RBBP6: variants seen among roughly 807,000 people sequenced by gnomAD.
RBBP6 encodes E3 ubiquitin-protein ligase RBBP6.
In RBBP6, 25 loss-of-function variants were observed where a neutral mutation model predicts 167.7. The observed-to-expected ratio is 0.15, with a 90% confidence interval of 0.11 to 0.21. RBBP6 has a LOEUF of 0.21. Ranked by LOEUF, RBBP6 falls within the 10% of genes least tolerant of loss-of-function variation. The pLI is 1.00. For synonymous variants in RBBP6, 789 were observed against 735.8 expected, an observed-to-expected ratio of 1.07 and a Z score of -1.17; for missense variants, 1,868 against 2,134.2, an observed-to-expected ratio of 0.88 and a Z score of 2.46.
intron 3 of RBBP6, 74 bp downstream of exon 3, chr16:24,549,055 A>G (rs999653915): frequency 1.3e-6 from 2 of 1,570,698 alleles, no homozygotes; most frequent in East Asian, 2.3e-5. Flanking sequence ...GAAGTAAATC[A>G]TTTTAGAACT....
At position 24,540,021 on chromosome 16, in the gene RBBP6, C is replaced by T. The variant is rs951590925; in HGVS notation, c.-606C>T. On this transcript the variant is annotated 5_prime_UTR_variant, in exon 1 of 18. Coordinates refer to ENST00000319715, the MANE Select transcript of RBBP6 (RefSeq NM_006910.5). ...GCCTAGGCCGTGGGGCCGCTCGTGG[C>T]CTCCGGGGAGCAGGCGCCAGGGGTT... 2 of 152,436 alleles carry T rather than the reference C, an allele frequency of 1.3e-5. No individual in the cohort carries two copies. Among genetic ancestry groups the T allele is most frequent in the Non-Finnish European group, 2.9e-5 (2 of 68,194 alleles). 9.4% of individuals were successfully genotyped at this position (152,436 alleles called of 1,614,324 possible).
At chr16:24,550,927 A>G (rs1898781408) in intron 3 of RBBP6, among the ~76,000 whole-genome samples, 1 of 151,912 alleles carries the variant, frequency 6.6e-6, no homozygotes, top group Non-Finnish European at 1.5e-5. Context: ...CGTGGATTGT[A>G]CACATTCACA....
Position 24,569,120 on chromosome 16 carries a change from A to G in RBBP6, c.2430A>G (p.Ala810=), listed in dbSNP as rs1346959225. ...REVPPPYDMK[A]YYGRSVDFRD... ...TTCCACCACCATATGACATGAAAGC[A>G]TATTATGGGAGAAGTGTTGACTTTA... Residue 810 remains alanine, a synonymous_variant, in exon 17 of 18, where the codon GCA becomes GCG. Coordinates refer to ENST00000319715, the MANE Select transcript of RBBP6 (RefSeq NM_006910.5). The G allele has an allele frequency of 1.2e-6, 2 of 1,613,014 alleles. No individual in the cohort carries two copies. Among genetic ancestry groups the G allele is most frequent in the African/African-American group, 1.3e-5 (1 of 74,802 alleles).
chr16:24,569,067 C>G lies in RBBP6; in HGVS notation c.2377C>G (p.Arg793Gly). 1 of 1,613,988 alleles carries G rather than the reference C, an allele frequency of 6.2e-7. No individual in the cohort carries two copies. Among genetic ancestry groups the G allele is most frequent in the South Asian group, 1.1e-5 (1 of 91,080 alleles). The change falls in exon 17 of 18, where the codon CGT becomes GGT. Residue 793 changes from arginine to glycine, a missense_variant. Physicochemically the swap from Arg to Gly is moderately radical, Grantham distance 125. Coordinates refer to ENST00000319715, the MANE Select transcript of RBBP6 (RefSeq NM_006910.5). ...TAATGTACCTCAAGGGGAAACAGAACGTGAATATTTTAATAGATACAGAGA... is the reference window on the plus strand; with the variant it reads ...TAATGTACCTCAAGGGGAAACAGAAGGTGAATATTTTAATAGATACAGAGA... ...KRNVPQGETE[R>G]EYFNRYREVP...
rs750489739 is a variant in RBBP6 at position 24,572,196 on chromosome 16, G to C, written c.5130G>C (p.Gln1710His). 1 of 1,614,068 alleles carries C rather than the reference G, an allele frequency of 6.2e-7. No homozygotes were observed. The highest frequency in any genetic ancestry group is 1.3e-5 in the African/African-American group (1 of 75,006). ...PSRSHSPSGS[Q>H]TRSHSSSASS... is the part of the protein sequence containing the mutation. ...GAAGCCACAGTCCTTCTGGAAGCCA[G>C]ACCCGAAGCCACAGTAGCAGTGCCA... The change falls in exon 18 of 18, where the codon CAG becomes CAC. Residue 1710 changes from glutamine to histidine, a missense_variant. By Grantham distance (24) the Gln-to-His change is conservative. This residue lies in a region of RBBP6 where 591 missense variants were observed against 540.5 expected (regional missense o/e 1.09). Transcript: ENST00000319715.
rs764128496 is a variant in RBBP6 at position 24,570,046 on chromosome 16, A to T, written c.3356A>T (p.Lys1119Ile). 1 of 1,609,070 alleles carries T rather than the reference A, an allele frequency of 6.2e-7. No individual in the cohort carries two copies. The highest frequency in any genetic ancestry group is 8.5e-7 in the Non-Finnish European group (1 of 1,178,952). Reference sequence around the variant, plus strand: ...AAGAAGGACTATTCCAAAGATGTCAAATCAGAAAAGCTAACAACTAAGGAA... The same window carrying T: ...AAGAAGGACTATTCCAAAGATGTCATATCAGAAAAGCTAACAACTAAGGAA... Reference protein sequence around the residue: ...KVKKDYSKDVKSEKLTTKEEK... With the variant: ...KVKKDYSKDVISEKLTTKEEK... Residue 1119 changes from lysine to isoleucine, a missense_variant, in exon 17 of 18, where the codon AAA becomes ATA. Lys to Ile is a moderately radical substitution (Grantham distance 102, BLOSUM62 -3). Around this residue, in one of 7 missense-constraint regions of RBBP6, gnomAD observed 673 missense variants for 691.5 expected, o/e 0.97. Coordinates refer to ENST00000319715, the MANE Select transcript of RBBP6 (RefSeq NM_006910.5).
chr16:24,540,655 C>G lies in RBBP6; in HGVS notation c.29C>G (p.Ser10Cys), dbSNP rs756697236. 2 of 1,614,034 alleles carry G rather than the reference C, an allele frequency of 1.2e-6. No homozygotes were observed. The highest frequency in any genetic ancestry group is 1.1e-5 in the South Asian group (1 of 91,058). Reference protein sequence around the residue: MSCVHYKFSSKLNYDTVTFD... With the variant: MSCVHYKFSCKLNYDTVTFD... Reference sequence around the variant, plus strand: ...TCCTGTGTGCATTATAAATTTTCCTCTAAACTCAACTATGATACCGTCACC... The same window carrying G: ...TCCTGTGTGCATTATAAATTTTCCTGTAAACTCAACTATGATACCGTCACC... The change falls in exon 1 of 18, where the codon TCT becomes TGT. Residue 10 changes from serine (S) to cysteine (C), a missense_variant. Transcript: ENST00000319715.
intron 2 of RBBP6, 150 bp downstream of exon 2, chr16:24,546,412 T>C: frequency 2.8e-6 from 3 of 1,073,108 alleles, no homozygotes; most frequent in Non-Finnish European, 3.6e-6. Flanking sequence ...GGTTTCTTTG[T>C]TCGTTTGTTT....
intron 17 of RBBP6, among the ~76,000 whole-genome samples, 166 bp downstream of exon 17, chr16:24,570,665 A>G (rs1008165491): frequency 3.3e-5 from 5 of 152,188 alleles, no homozygotes; most frequent in African/African-American, 7.2e-5. Context: ...GCCAAAGACA[A>G]GGTTGTAAAT....
rs1899277507 is a variant in RBBP6 at position 24,569,596 on chromosome 16, A to G, written c.2906A>G (p.Asn969Ser). 9 of 1,612,280 alleles carry G rather than the reference A, an allele frequency of 5.6e-6. No homozygotes were observed. The highest frequency in any genetic ancestry group is 2.2e-5 in the East Asian group (1 of 44,882). The change falls in exon 17 of 18, where the codon AAT becomes AGT. Residue 969 changes from asparagine (N) to serine (S), a missense_variant. Transcript: ENST00000319715. The stretch of plus-strand genomic sequence containing the variant: ...AGAGAACCTACAGGTGTTGAAGAAA[A>G]TAAAACAGACTCATTGTTTGTTCTC... Reference protein sequence around the residue: ...KSREPTGVEENKTDSLFVLPS... With the variant: ...KSREPTGVEESKTDSLFVLPS...
chr16:24,552,200 G>C (rs1317062444), intron 3 of RBBP6, among the ~76,000 whole-genome samples: 1 of 151,810 alleles, frequency 6.6e-6, no homozygotes, highest in Non-Finnish European at 1.5e-5. Context: ...ATATTTGTGA[G>C]ATGTGTCTTA....
intron 8 of RBBP6, among the ~76,000 whole-genome samples, chr16:24,560,891 C>G (rs1320075360): frequency 3.3e-5 from 5 of 152,122 alleles, no homozygotes; most frequent in Admixed American, 1.3e-4. Context: ...TGGAACCCAT[C>G]CCCTTTGGAT....
In RBBP6 at chr16:24,561,653, C is replaced by T. The variant is rs770768112; in HGVS notation, c.889C>T (p.Pro297Ser). ...CCTGGAATCAGATGAGCACACATGT[C>T]CGACGTGTCATCAAAATGATGTTTC... ...ALLESDEHTC[P>S]TCHQNDVSPD... The change falls in exon 9 of 18, where the codon CCG (proline) becomes TCG (serine). Residue 297 changes from proline to serine, a missense_variant. By Grantham distance (74) the Pro-to-Ser change is moderately conservative. Transcript: ENST00000319715. The T allele has an allele frequency of 1.2e-6, 2 of 1,613,976 alleles. No individual in the cohort carries two copies. The highest frequency in any genetic ancestry group is 1.3e-5 in the African/African-American group (1 of 74,900).
intron 7 of RBBP6, chr16:24,558,409 T>A: frequency 2.5e-6 from 2 of 796,932 alleles, no homozygotes; most frequent in Non-Finnish European, 3.0e-6. Context: ...CTTTTTTCTC[T>A]CTTTTGGGCA....
chr16:24,556,031 C>A, intron 6 of RBBP6, 114 bp downstream of exon 6: 4 of 1,065,572 alleles, frequency 3.8e-6, no homozygotes, highest in South Asian at 1.5e-5. Context: ...GGCAAATGAG[C>A]ATGGTCTCTG....
In RBBP6 at chr16:24,555,805, T is replaced by C. The variant is rs761239197; in HGVS notation, c.438-16T>C. ...CAAAGTCCTCGTATACATGTAATTT[T>C]TTTTCCCCCTTTTAGTTACATGAAG... On this transcript the variant is annotated splice_polypyrimidine_tract_variant and intron_variant, in intron 5 of 17. Coordinates refer to ENST00000319715, the MANE Select transcript of RBBP6 (RefSeq NM_006910.5). 6.3e-7 allele frequency: 1 copy of C among 1,592,730 alleles called. No homozygotes were observed. The highest frequency in any genetic ancestry group is 1.3e-5 in the African/African-American group (1 of 74,386).
At chr16:24,565,854 G>A (rs1346729358) in intron 14 of RBBP6, among the ~76,000 whole-genome samples, 1 of 152,090 alleles carries the variant, frequency 6.6e-6, no homozygotes, top group Non-Finnish European at 1.5e-5. Flanking sequence ...ATTGCTTGAG[G>A]CCTGAAGTTC....
Position 24,563,210 on chromosome 16 carries a change from A to G in RBBP6, c.1301A>G (p.Asn434Ser). The G allele has an allele frequency of 6.2e-7, 1 of 1,606,144 alleles. No individual in the cohort carries two copies. The highest frequency in any genetic ancestry group is 8.5e-7 in the Non-Finnish European group (1 of 1,175,898). Residue 434 changes from asparagine to serine, a missense_variant, in exon 11 of 18, where the codon AAT (asparagine) becomes AGT (serine). This residue lies in a region of RBBP6 where 245 missense variants were observed against 240.1 expected (regional missense o/e 1.02). Coordinates refer to ENST00000319715, the MANE Select transcript of RBBP6 (RefSeq NM_006910.5). Reference protein sequence around the residue: ...KSDGPFRDSDNKILPAAALAS... With the variant: ...KSDGPFRDSDSKILPAAALAS... ...TATGTTTTTTAAAGGGATTCTGATAATAAAATATTGCCAGCTGCAGCTCTT... is the reference window on the plus strand; with the variant it reads ...TATGTTTTTTAAAGGGATTCTGATAGTAAAATATTGCCAGCTGCAGCTCTT...
At chr16:24,566,595 G>T (rs1899199308) in intron 14 of RBBP6, among the ~76,000 whole-genome samples, 2 of 152,038 alleles carry the variant, frequency 1.3e-5, no homozygotes, top group Admixed American at 6.6e-5. Flanking sequence ...ACAAAAATTA[G>T]CTGGGCATGG....
Sources: gnomAD v4.1 joint callset for allele counts (sites outside exome capture counted in the v4.1 genomes callset) on GRCh38, gnomAD v4.1.1 for gene constraint, gnomAD v4.1.1 regional missense constraint, MANE v1.5 for transcripts, NCBI Gene and HGNC (gene_info 2026-07-23, HGNC 2026-07-21) for gene names.